INTS15: variants seen among roughly 807,000 people sequenced by gnomAD.
The protein encoded by INTS15 is integrator complex subunit 15.
the INTS15 span, chr7:6,591,994 A>C: frequency 1.4e-6 from 1 of 738,586 alleles, no homozygotes; most frequent in African/African-American, 1.8e-5. Flanking sequence ...CAACATGGCG[A>C]AATCATGTCT....
At chr7:6,600,437 A>G in the INTS15 span, 2 of 1,393,994 alleles carry the variant, frequency 1.4e-6, no homozygotes, top group South Asian at 1.4e-5. Context: ...CTGGACAGAC[A>G]CTGTTTTTGC....
the INTS15 span, among the ~76,000 whole-genome samples, chr7:6,591,113 G>T: frequency 6.6e-6 from 1 of 151,996 alleles, no homozygotes; most frequent in Non-Finnish European, 1.5e-5. Context: ...TGGAATTACA[G>T]GCGTGAGCCA....
the INTS15 span, chr7:6,590,265 G>GGGCCGCGGC: frequency 6.7e-7 from 1 of 1,500,604 alleles, no homozygotes; most frequent in Non-Finnish European, 8.8e-7. Flanking sequence ...CTCGGCGCGG[G>GGGCCGCGGC]GGCCGCGGCG....
the INTS15 span, chr7:6,608,320 C>G: frequency 1.4e-6 from 2 of 1,429,906 alleles, no homozygotes; most frequent in Non-Finnish European, 1.8e-6. Context: ...GCTTCCCACC[C>G]GGTCGCATTC....
chr7:6,591,366 A>C, the INTS15 span, among the ~76,000 whole-genome samples: 1 of 151,204 alleles, frequency 6.6e-6, no homozygotes, highest in Non-Finnish European at 1.5e-5. Flanking sequence ...TCCCAGGTTC[A>C]AGCGAGATTC....
At chr7:6,608,071 GGCCCACCCCGCC>G in the INTS15 span, 221 of 1,523,656 alleles carry the variant, frequency 1.5e-4, 1 homozygote, top group South Asian at 7.9e-4. Context: ...GGGCTGTCCC[GGCCCACCCCGCC>G]GCCCACCCCG....
the INTS15 span, among the ~76,000 whole-genome samples, chr7:6,603,654 C>T: frequency 6.6e-6 from 1 of 152,014 alleles, no homozygotes; most frequent in East Asian, 1.9e-4. Flanking sequence ...ACTTGGCCAA[C>T]ATGGTGAAAC....
At chr7:6,590,284 A>G in the INTS15 span, 1 of 1,556,902 alleles carries the variant, frequency 6.4e-7, no homozygotes, top group Non-Finnish European at 8.6e-7. Context: ...CGGCCGCACC[A>G]TGAGCGACAT....
the INTS15 span, among the ~76,000 whole-genome samples, chr7:6,593,673 G>A: frequency 1.4e-5 from 2 of 141,852 alleles, no homozygotes; most frequent in African/African-American, 2.7e-5. Context: ...TTTTGAGACG[G>A]TCTTGCTCTG....
chr7:6,596,432 G>A, the INTS15 span, among the ~76,000 whole-genome samples: 1 of 142,894 alleles, frequency 7.0e-6, no homozygotes, highest in Admixed American at 7.3e-5. Context: ...AGGCTGGAGT[G>A]CAGTGGCATG....
At chr7:6,606,068 C>T in the INTS15 span, among the ~76,000 whole-genome samples, 3 of 152,202 alleles carry the variant, frequency 2.0e-5, no homozygotes, top group Admixed American at 6.6e-5. Context: ...TCTTGAAGTG[C>T]TTTCTATCTC....
the INTS15 span, chr7:6,594,567 A>G: frequency 4.6e-5 from 74 of 1,613,854 alleles, no homozygotes; most frequent in Non-Finnish European, 5.5e-5. Flanking sequence ...CCAGTTCATC[A>G]CCTCCGTTAC....
the INTS15 span, chr7:6,594,311 A>G: frequency 4.1e-6 from 4 of 975,564 alleles, no homozygotes; most frequent in South Asian, 4.6e-5. Flanking sequence ...CGGCCCCATT[A>G]ACATCTTTTT....
the INTS15 span, among the ~76,000 whole-genome samples, chr7:6,599,000 C>T: frequency 3.9e-5 from 6 of 152,048 alleles, no homozygotes; most frequent in African/African-American, 9.7e-5. Flanking sequence ...GTTTCCAGGG[C>T]TGGTTTCGAA....
the INTS15 span, among the ~76,000 whole-genome samples, chr7:6,598,235 C>T: frequency 6.6e-6 from 1 of 152,158 alleles, no homozygotes; most frequent in Non-Finnish European, 1.5e-5. Context: ...TTTGGGAGGC[C>T]GAGGTGGGCG....
chr7:6,590,620 C>G, the INTS15 span: 1 of 1,384,512 alleles, frequency 7.2e-7, no homozygotes, highest in Non-Finnish European at 9.3e-7. Context: ...GCAGCAGCCC[C>G]CAAACCCTTC....
the INTS15 span, among the ~76,000 whole-genome samples, chr7:6,597,073 C>T: frequency 6.6e-6 from 1 of 152,218 alleles, no homozygotes; most frequent in South Asian, 2.1e-4. Flanking sequence ...GCCACTGTGC[C>T]AGCTGCATAT....
chr7:6,602,169 C>G, the INTS15 span: 1 of 1,603,124 alleles, frequency 6.2e-7, no homozygotes, highest in African/African-American at 1.3e-5. Context: ...CCTAGCTGGG[C>G]CAGCTTGCTG....
At chr7:6,596,807 G>C in the INTS15 span, among the ~76,000 whole-genome samples, 1 of 152,222 alleles carries the variant, frequency 6.6e-6, no homozygotes, top group Non-Finnish European at 1.5e-5. Flanking sequence ...TTTGGAGACA[G>C]AGTCTCGCTC....
Sources: gnomAD v4.1 joint callset for allele counts (sites outside exome capture counted in the v4.1 genomes callset) on GRCh38, gnomAD v4.1.1 for gene constraint, MANE v1.5 for transcripts, NCBI Gene and HGNC (gene_info 2026-07-23, HGNC 2026-07-21) for gene names.